The following GGT5 variants were observed in gnomAD, a reference collection of about 807,000 sequenced individuals.
GGT5 encodes the protein gamma-glutamyltransferase 5.
GGT5 carries 50 observed loss-of-function variants against 58.1 expected under a neutral mutation model. The ratio of observed to expected loss-of-function variants is 0.86; its 90% CI spans 0.69 to 1.09. The LOEUF (loss-of-function observed/expected upper bound fraction) is 1.09. Ranked by LOEUF, GGT5 falls within the 50% of genes least tolerant of loss-of-function variation. The pLI, the probability that GGT5 is intolerant of heterozygous loss-of-function variation, is 0.00. For missense variants in GGT5, 800 were observed against 789.4 expected, an observed-to-expected ratio of 1.01 and a Z score of -0.16; for synonymous variants, 370 against 346.1, an observed-to-expected ratio of 1.07 and a Z score of -0.77.
At chr22:24,235,045 G>A in intron 1 of GGT5, among the ~76,000 whole-genome samples, 1 of 121,190 alleles carries the variant, frequency 8.3e-6, no homozygotes, top group South Asian at 3.1e-4. Flanking sequence ...ACCTCAAGAA[G>A]CCAGCTTTTT....
Position 24,232,133 on chromosome 22 carries a change from C to T in GGT5, c.672G>A (p.Leu224=), listed in dbSNP as rs774381295. The change falls in exon 5 of 12, where the codon CTG becomes CTA. Residue 224 remains leucine, a synonymous_variant. Coordinates refer to ENST00000327365, the MANE Select transcript of GGT5 (RefSeq NM_004121.5). ...PLPWPALATT[L]ETVATEGVEV... ...CCACGCCCTCTGTGGCCACGGTCTC[C>T]AGGGTGGTGGCCAGTGCAGGCCATG... The T allele has an allele frequency of 6.2e-7, 1 of 1,606,404 alleles. No homozygotes were observed. Among genetic ancestry groups the T allele is most frequent in the Non-Finnish European group, 8.5e-7 (1 of 1,175,350 alleles).
At chr22:24,232,007 C>T in intron 5 of GGT5, 44 bp downstream of exon 5, 2 of 1,567,354 alleles carry the variant, frequency 1.3e-6, no homozygotes, top group Non-Finnish European at 1.8e-6. Flanking sequence ...GAACTTGGCT[C>T]TTCCTCCAGC....
At chr22:24,230,774 G>A (rs552350430) in intron 6 of GGT5, among the ~76,000 whole-genome samples, 95 of 152,208 alleles carry the variant, frequency 6.2e-4, no homozygotes, top group African/African-American at 2.1e-3. Flanking sequence ...TTCTTTGAGA[G>A]CCTTGTTCTG....
Position 24,226,753 on chromosome 22 carries a change from T to C in GGT5, c.916A>G (p.Thr306Ala), listed in dbSNP as rs775105368. 1 of 1,614,032 alleles carries C rather than the reference T, an allele frequency of 6.2e-7. No individual in the cohort carries two copies. The highest frequency in any genetic ancestry group is 8.5e-7 in the Non-Finnish European group (1 of 1,179,958). Residue 306 changes from threonine to alanine, a missense_variant, in exon 7 of 12, where the codon ACA (threonine) becomes GCA (alanine). Physicochemically the swap from Thr to Ala is moderately conservative, Grantham distance 58 (BLOSUM62 0). Coordinates refer to ENST00000327365, the MANE Select transcript of GGT5 (RefSeq NM_004121.5). ...CCTTCAGGCCTGGCCATAGACTCTG[T>C]TGAGAAGTTGAACCCTGGAGAGAGG... Reference protein sequence around the residue: ...LNVLRGFNFSTESMARPEGRV... With the variant: ...LNVLRGFNFSAESMARPEGRV...
In GGT5 at chr22:24,244,704, T is replaced by C. The variant is rs764456956; in HGVS notation, c.22A>G (p.Thr8Ala). MARGYGA[T>A]VSLVLLGLGL... is the part of the protein sequence containing the mutation. ...AGACCCAGCAGGACTAGGCTGACCG[T>C]GGCCCCGTAGCCCCGGGCCATGGCT... Residue 8 changes from threonine to alanine, a missense_variant, in exon 1 of 12, where the codon ACG becomes GCG. Coordinates refer to ENST00000327365, the MANE Select transcript of GGT5 (RefSeq NM_004121.5). The C allele has an allele frequency of 1.2e-6, 2 of 1,611,626 alleles. No individual in the cohort carries two copies. Among genetic ancestry groups the C allele is most frequent in the Non-Finnish European group, 1.7e-6 (2 of 1,179,586 alleles).
chr22:24,224,111 A>G (rs1035660030), intron 11 of GGT5, among the ~76,000 whole-genome samples: 4 of 152,014 alleles, frequency 2.6e-5, no homozygotes, highest in African/African-American at 7.3e-5. Context: ...CATCAACCCA[A>G]AGATGCTCCA....
intron 11 of GGT5, 30 bp downstream of exon 11, chr22:24,224,966 C>G: frequency 1.4e-6 from 2 of 1,424,594 alleles, no homozygotes; most frequent in Non-Finnish European, 1.9e-6. Flanking sequence ...GGGCTCTGCC[C>G]TAGGCATCCA....
rs555610877 is a variant in GGT5 at position 24,237,654 on chromosome 22, G to A, written c.174-3650C>T. ...GTACTCCTGACCTCGTGATCTGCCT[G>A]CCTTGGCCTCCCAAAGTGCTGGGAT... On this transcript the variant is annotated intron_variant, in intron 1 of 11. Coordinates refer to ENST00000327365, the MANE Select transcript of GGT5 (RefSeq NM_004121.5). Among the ~76,000 whole-genome samples, 336 of 152,022 alleles carry A rather than the reference G, an allele frequency of 2.2e-3. 1 individual carries two copies. The highest frequency in any genetic ancestry group is 7.5e-3 in the African/African-American group (309 of 41,458).
chr22:24,233,014 G>A lies in GGT5; in HGVS notation c.405C>T (p.Ala135=). ...CAQALPLGTG[A]QWIGVPGELR... ...GCTCCCCGGGCACCCCGATCCACTG[G>A]GCCCCTGCATGGCACATCCCAGCTC... is the stretch of plus-strand genomic sequence containing the variant. Residue 135 remains alanine (A), a synonymous_variant, in exon 4 of 12, where the codon GCC becomes GCT. Transcript: ENST00000327365. The A allele has an allele frequency of 3.3e-6, 5 of 1,531,284 alleles. No individual in the cohort carries two copies. Among genetic ancestry groups the A allele is most frequent in the Non-Finnish European group, 4.4e-6 (5 of 1,136,880 alleles). 94.9% of individuals were successfully genotyped at this position (1,531,284 alleles called of 1,614,324 possible).
At chr22:24,228,073 A>AAAAAAAAAAAAAAAAAAAG (rs2047828755) in intron 6 of GGT5, among the ~76,000 whole-genome samples, 1 of 86,046 alleles carries the variant, frequency 1.2e-5, no homozygotes, top group African/African-American at 4.6e-5. Flanking sequence ...AAAACAAAAC[A>AAAAAAAAAAAAAAAAAAAG]AAAAAAAAAA....
Position 24,224,982 on chromosome 22 carries a change from G to T in GGT5, c.1614+14C>A. 2 of 1,526,490 alleles carry T rather than the reference G, an allele frequency of 1.3e-6. No individual in the cohort carries two copies. The highest frequency in any genetic ancestry group is 1.8e-6 in the Non-Finnish European group (2 of 1,116,210). The allele number at this position is 1,526,490 out of a possible 1,614,324, so 94.6% of individuals were successfully genotyped here. On this transcript the variant is annotated intron_variant, in intron 11 of 11. Transcript: ENST00000327365. ...GGCTCTGCCCTAGGCATCCAGCTCG[G>T]ACCTCAGCCTCACCTGGCTGAAGTT...
chr22:24,240,800 T>G (rs1049448620), intron 1 of GGT5, among the ~76,000 whole-genome samples: 3 of 152,130 alleles, frequency 2.0e-5, no homozygotes, highest in Non-Finnish European at 4.4e-5. Flanking sequence ...ATAACTATTT[T>G]TAATGAAGTA....
At chr22:24,237,459 A>G (rs2048131059) in intron 1 of GGT5, among the ~76,000 whole-genome samples, 1 of 152,096 alleles carries the variant, frequency 6.6e-6, no homozygotes, top group Non-Finnish European at 1.5e-5. Flanking sequence ...TCCAGGCTGG[A>G]GTGCAGTGCC....
At position 24,220,106 on chromosome 22, in the gene GGT5, C is replaced by T. The variant is rs1177680265; in HGVS notation, c.1625G>A (p.Arg542Lys). 1 of 1,614,104 alleles carries T rather than the reference C, an allele frequency of 6.2e-7. No individual in the cohort carries two copies. Among genetic ancestry groups the T allele is most frequent in the South Asian group, 1.1e-5 (1 of 91,076 alleles). The change falls in exon 12 of 12, where the codon AGG becomes AAG. Residue 542 changes from arginine (R) to lysine (K), a missense_variant. By Grantham distance (26) the Arg-to-Lys change is conservative (BLOSUM62 2). Transcript: ENST00000327365. ...YEPNFSQEVQRGLQDRGQNQT... is the reference protein window; with the variant it reads ...YEPNFSQEVQKGLQDRGQNQT... ...GTTCTGGCCACGGTCTTGGAGTCCC[C>T]TCTGCACCTCCTGGAGAGGAGAGAA...
At chr22:24,226,397 C>G in intron 7 of GGT5, 131 bp from the exon 8 acceptor site, 1 of 794,286 alleles carries the variant, frequency 1.3e-6, no homozygotes, top group Non-Finnish European at 2.0e-6. Context: ...AGGTCTCCCT[C>G]AAGCCCAGCT....
At position 24,226,726 on chromosome 22, in the gene GGT5, T is replaced by G. The variant is rs756920407; in HGVS notation, c.943A>C (p.Arg315=). 1 of 1,613,802 alleles carries G rather than the reference T, an allele frequency of 6.2e-7. No individual in the cohort carries two copies. Among genetic ancestry groups the G allele is most frequent in the Non-Finnish European group, 8.5e-7 (1 of 1,179,782 alleles). The change falls in exon 7 of 12, where the codon AGG becomes CGG. Residue 315 remains arginine, a synonymous_variant. Coordinates refer to ENST00000327365, the MANE Select transcript of GGT5 (RefSeq NM_004121.5). ...ACAAGGTGGTGGTACACGTTCACCC[T>G]CCCTTCAGGCCTGGCCATAGACTCT... ...STESMARPEG[R]VNVYHHLVET...
At chr22:24,226,023 A>G in intron 8 of GGT5, 53 bp downstream of exon 8, 1 of 1,261,226 alleles carries the variant, frequency 7.9e-7, no homozygotes, top group Non-Finnish European at 1.1e-6. Context: ...GGGGGTGTGC[A>G]GGTCTAGGAG....
chr22:24,234,800 A>G (rs186985368), intron 1 of GGT5, among the ~76,000 whole-genome samples: 1 of 152,284 alleles, frequency 6.6e-6, no homozygotes, highest in East Asian at 1.9e-4. Context: ...AGCCTGGGCA[A>G]CAAAGCAAGA....
intron 11 of GGT5, 91 bp from the exon 12 acceptor site, chr22:24,220,207 CA>C: frequency 1.6e-6 from 2 of 1,287,880 alleles, no homozygotes; most frequent in Non-Finnish European, 2.2e-6. Flanking sequence ...GAAAAATGAT[CA>C]AAAGGCAAGA....
Sources: gnomAD v4.1 joint callset for allele counts (sites outside exome capture counted in the v4.1 genomes callset) on GRCh38, gnomAD v4.1.1 for gene constraint, MANE v1.5 for transcripts, NCBI Gene and HGNC (gene_info 2026-07-23, HGNC 2026-07-21) for gene names.